TAOK3: variants seen among roughly 807,000 people sequenced by gnomAD.
TAOK3 encodes the protein serine/threonine-protein kinase TAO3.
Under a neutral mutation model 120.4 loss-of-function variants are expected in TAOK3, and 40 were observed. That is an observed-to-expected ratio of 0.33 (90% CI 0.26 to 0.43). The LOEUF is 0.43. Among genes scored for constraint, TAOK3 ranks in the 20% least tolerant of loss-of-function variants. TAOK3 has a pLI of 1.00. For missense variants in TAOK3, 821 were observed against 1,112.1 expected (o/e 0.74, Z 3.72); for synonymous variants, 355 against 387.5 (o/e 0.92, Z 0.99).
At chr12:118,258,082 GC>G (rs1407583356) in intron 2 of TAOK3, among the ~76,000 whole-genome samples, 4 of 152,134 alleles carry the variant, frequency 2.6e-5, no homozygotes, top group Non-Finnish European at 5.9e-5. Flanking sequence ...GAAAAAGCAT[GC>G]CTTTTTAGGG....
chr12:118,236,486 T>C (rs2040024204), intron 7 of TAOK3: 1 of 152,170 alleles, frequency 6.6e-6, no homozygotes, highest in South Asian at 2.1e-4. Context: ...CTCCTTATTC[T>C]TTTTAAAAAA....
At chr12:118,234,479 C>T (rs1245044285) in intron 8 of TAOK3, among the ~76,000 whole-genome samples, 1 of 151,990 alleles carries the variant, frequency 6.6e-6, no homozygotes, top group Admixed American at 6.6e-5. Flanking sequence ...CTCCTGACCT[C>T]GTGATCCACC....
intron 1 of TAOK3, among the ~76,000 whole-genome samples, chr12:118,336,362 T>C (rs2044367218): frequency 6.6e-6 from 1 of 152,164 alleles, no homozygotes; most frequent in Non-Finnish European, 1.5e-5. Context: ...AAAAATTCCT[T>C]TTCAACAAAT....
intron 1 of TAOK3, among the ~76,000 whole-genome samples, chr12:118,366,004 C>A (rs1312367640): frequency 6.6e-6 from 1 of 152,210 alleles, no homozygotes; most frequent in Admixed American, 6.5e-5. Flanking sequence ...GTGGCTCACA[C>A]CTGTAATCCC....
chr12:118,339,839 T>A (rs960115666), intron 1 of TAOK3, among the ~76,000 whole-genome samples: 10 of 152,148 alleles, frequency 6.6e-5, no homozygotes, highest in African/African-American at 2.4e-4. Flanking sequence ...CGGCTTTAGT[T>A]GCTCTTTTCT....
chr12:118,264,123 A>G (rs1412937043), intron 2 of TAOK3, among the ~76,000 whole-genome samples: 2 of 152,224 alleles, frequency 1.3e-5, no homozygotes, highest in Non-Finnish European at 2.9e-5. Flanking sequence ...TATCTTTCAT[A>G]CACTGCTGGT....
chr12:118,312,105 T>C (rs990419860), intron 1 of TAOK3, among the ~76,000 whole-genome samples: 2 of 152,174 alleles, frequency 1.3e-5, no homozygotes, highest in Non-Finnish European at 1.5e-5. Flanking sequence ...ATATTCAAAA[T>C]CAGTTTCCTT....
chr12:118,348,534 TC>T (rs1446893955), intron 1 of TAOK3, among the ~76,000 whole-genome samples: 2 of 151,850 alleles, frequency 1.3e-5, no homozygotes, highest in East Asian at 2.0e-4. Flanking sequence ...CACTGCAAGC[TC>T]TGCCTCCCGG....
rs374608379 is a variant in TAOK3 at position 118,199,105 on chromosome 12, C to T, written c.1140G>A (p.Met380Ile). 18 of 1,614,158 alleles carry T rather than the reference C, an allele frequency of 1.1e-5. No individual in the cohort carries two copies. Among genetic ancestry groups the T allele is most frequent in the East Asian group, 2.2e-5 (1 of 44,880 alleles). ...VMDESSSELV[M>I]MHDDESTINS... The stretch of plus-strand genomic sequence containing the variant: ...TGATTGTGCTTTCGTCATCGTGCAT[C>T]ATGACAAGTTCGGAACTGCTCTCGT... Residue 380 changes from methionine to isoleucine, a missense_variant, in exon 13 of 21, where the codon ATG becomes ATA. Met to Ile is a conservative substitution (Grantham distance 10). This residue lies in a region of TAOK3 where 467 missense variants were observed against 540.0 expected (regional missense o/e 0.86). Coordinates refer to ENST00000392533, the MANE Select transcript of TAOK3 (RefSeq NM_016281.4).
rs370805925 is a variant in TAOK3, at chr12:118,153,908, T to C, written c.2353-1499A>G. ...TAGAGATTAAAGGAACAAAATAAAT[T>C]ACATAATCATATTTCCAAGGTACCT... is the stretch of plus-strand genomic sequence containing the variant. On this transcript the variant is annotated intron_variant, in intron 19 of 20. Transcript: ENST00000392533. 7.2e-5 allele frequency among the ~76,000 whole-genome samples: 11 copies of C among 152,336 alleles called. No homozygotes were observed. In the East Asian group the frequency reaches 1.7e-3, roughly 24 times the overall value.
chr12:118,355,950 T>C (rs907083273), intron 1 of TAOK3, among the ~76,000 whole-genome samples: 1 of 152,166 alleles, frequency 6.6e-6, no homozygotes, highest in African/African-American at 2.4e-5. Context: ...CAGACATGTT[T>C]ATCTGCCACA....
In TAOK3 at chr12:118,199,096, A is replaced by G. The variant is rs749607797; in HGVS notation, c.1149T>C (p.Asp383=). 1 of 1,614,168 alleles carries G rather than the reference A, an allele frequency of 6.2e-7. No homozygotes were observed. Among genetic ancestry groups the G allele is most frequent in the Non-Finnish European group, 8.5e-7 (1 of 1,180,026 alleles). The part of the protein sequence containing the change: ...ESSSELVMMH[D]DESTINSSSS... ...AGCTGGAATTGATTGTGCTTTCGTC[A>G]TCGTGCATCATGACAAGTTCGGAAC... The change falls in exon 13 of 21, where the codon GAT becomes GAC. Residue 383 remains aspartate, a synonymous_variant. Coordinates refer to ENST00000392533, the MANE Select transcript of TAOK3 (RefSeq NM_016281.4).
intron 15 of TAOK3, among the ~76,000 whole-genome samples, chr12:118,178,223 A>C (rs1320683484): frequency 6.6e-6 from 1 of 152,216 alleles, no homozygotes; most frequent in Non-Finnish European, 1.5e-5. Flanking sequence ...AAGTGCTGAG[A>C]CTACAGGCGT....
intron 1 of TAOK3, among the ~76,000 whole-genome samples, chr12:118,279,348 C>A (rs890323234): frequency 2.0e-5 from 3 of 152,050 alleles, no homozygotes; most frequent in Non-Finnish European, 2.9e-5. Context: ...GCATAGTTTG[C>A]AAACATTTTC....
intron 1 of TAOK3, among the ~76,000 whole-genome samples, chr12:118,355,534 TGG>T (rs2045354517): frequency 6.6e-6 from 1 of 152,210 alleles, no homozygotes; most frequent in African/African-American, 2.4e-5. Context: ...CCCCTTGGAA[TGG>T]GTAGTACACA....
At chr12:118,209,828 T>C (rs1018388255) in intron 11 of TAOK3, among the ~76,000 whole-genome samples, 4 of 151,788 alleles carry the variant, frequency 2.6e-5, no homozygotes, top group African/African-American at 4.8e-5. Flanking sequence ...ATTCTCCTCC[T>C]TGAGCCTCCG....
chr12:118,214,139 A>G (rs1487885352), intron 9 of TAOK3, 29 bp from the exon 10 acceptor site: 3 of 1,554,044 alleles, frequency 1.9e-6, no homozygotes, highest in Non-Finnish European at 2.6e-6. Flanking sequence ...ACAATAAAGT[A>G]GTTCTTGAAG....
intron 13 of TAOK3, among the ~76,000 whole-genome samples, chr12:118,194,612 C>CTTTTTTTT (rs58866768): frequency 4.1e-5 from 4 of 98,156 alleles, no homozygotes; most frequent in Non-Finnish European, 4.3e-5. Context: ...AAGGACATTT[C>CTTTTTTTT]TTTTTTTTTT....
chr12:118,306,606 G>T (rs79897257), intron 1 of TAOK3, among the ~76,000 whole-genome samples: 3,013 of 152,188 alleles, frequency 0.02, 48 homozygotes, highest in South Asian at 0.028. Flanking sequence ...TCAAGTTCTT[G>T]AGTCTAAAAT....
Sources: allele counts gnomAD v4.1 joint callset (sites outside exome capture counted in the v4.1 genomes callset), GRCh38; gene constraint gnomAD v4.1.1; regional missense constraint gnomAD v4.1.1; transcripts MANE v1.5; gene names NCBI Gene and HGNC (gene_info 2026-07-23, HGNC 2026-07-21).